Variants in DMD observed in about 807,000 individuals in gnomAD.
DMD encodes the protein mutant dystrophin.
Under a neutral mutation model 330.1 loss-of-function variants are expected in DMD, and 63 were observed. The ratio of observed to expected loss-of-function variants is 0.19; its 90% CI spans 0.16 to 0.24. The LOEUF is 0.24. Among genes scored for constraint, DMD ranks in the 10% least tolerant of loss-of-function variants. The pLI is 1.00. For missense variants in DMD, 3,344 were observed against 2,684.1 expected (o/e 1.25, Z -5.43); for synonymous variants, 1,223 against 959.8 (o/e 1.27, Z -5.07).
chrX:32,657,324 A>C (rs1382043787), intron 9 of DMD, among the ~76,000 whole-genome samples: 1 of 112,039 alleles, frequency 8.9e-6, no homozygotes, highest in Non-Finnish European at 1.9e-5. Context: ...AACCCAATAT[A>C]AAAGATTTCT....
intron 1 of DMD, among the ~76,000 whole-genome samples, chrX:33,089,219 C>A (rs1421717356): frequency 9.1e-6 from 1 of 109,426 alleles, no homozygotes; most frequent in Non-Finnish European, 1.9e-5. Flanking sequence ...GCACGCACCA[C>A]CACACCCAGC....
At chrX:32,998,475 A>T (rs2093187755) in intron 2 of DMD, among the ~76,000 whole-genome samples, 1 of 109,485 alleles carries the variant, frequency 9.1e-6, no homozygotes, top group Admixed American at 9.9e-5. Flanking sequence ...CAAATTGTTT[A>T]CCTGATGAAC....
At chrX:32,263,221 T>G (rs1418802439) in intron 43 of DMD, among the ~76,000 whole-genome samples, 1 of 112,278 alleles carries the variant, frequency 8.9e-6, no homozygotes, top group Non-Finnish European at 1.9e-5. Context: ...TTCTTCAACT[T>G]ACTGCTAGAT....
chrX:33,098,041 T>C (rs1038729601), intron 1 of DMD, among the ~76,000 whole-genome samples: 1 of 111,955 alleles, frequency 8.9e-6, no homozygotes, highest in Non-Finnish European at 1.9e-5. Flanking sequence ...TATAACTTTT[T>C]ATTGTCACTA....
chrX:31,639,050 C>A (rs913769648), intron 54 of DMD, among the ~76,000 whole-genome samples: 6 of 111,832 alleles, frequency 5.4e-5, no homozygotes, highest in Admixed American at 3.8e-4. Flanking sequence ...ATGGTAATTT[C>A]ATTTAGTCTT....
chrX:32,309,500 CCTTA>C (rs927998310), intron 42 of DMD, among the ~76,000 whole-genome samples: 4 of 110,966 alleles, frequency 3.6e-5, no homozygotes, highest in Non-Finnish European at 5.7e-5. Context: ...TCATTATTTG[CCTTA>C]CTTGAGAATT....
At chrX:31,563,459 T>C (rs987253303) in intron 55 of DMD, among the ~76,000 whole-genome samples, 1 of 112,383 alleles carries the variant, frequency 8.9e-6, no homozygotes, top group African/African-American at 3.2e-5. Flanking sequence ...TTACAGTAGC[T>C]TTACAGCAAG....
intron 44 of DMD, among the ~76,000 whole-genome samples, chrX:31,973,204 A>G (rs1383669313): frequency 1.8e-5 from 2 of 110,171 alleles, no homozygotes; most frequent in Non-Finnish European, 3.8e-5. Context: ...ACCTTGTGGG[A>G]GCACCTGAGG....
intron 60 of DMD, among the ~76,000 whole-genome samples, chrX:31,398,251 G>C (rs1328280660): frequency 8.9e-6 from 1 of 112,024 alleles, no homozygotes; most frequent in Non-Finnish European, 1.9e-5. Flanking sequence ...TTTAAATCTA[G>C]AGCCTCTGAA....
chrX:31,137,501 TTTTTAAAATGCC>T (rs1028171704), intron 76 of DMD, among the ~76,000 whole-genome samples: 3 of 111,683 alleles, frequency 2.7e-5, no homozygotes, highest in Admixed American at 9.5e-5. Flanking sequence ...CTAACCCAGA[TTTTTAAAATGCC>T]TTTTAAAAAC....
At chrX:32,519,972 T>A (rs769955329) in intron 17 of DMD, among the ~76,000 whole-genome samples, 26 of 111,912 alleles carry the variant, frequency 2.3e-4, no homozygotes, top group Non-Finnish European at 4.1e-4. Flanking sequence ...TTAATTGACC[T>A]CAATACCATG....
intron 1 of DMD, among the ~76,000 whole-genome samples, chrX:33,304,465 A>G (rs1435009216): frequency 3.5e-4 from 39 of 110,842 alleles, no homozygotes; most frequent in Non-Finnish European, 5.1e-4. Flanking sequence ...TAAAAACCCT[A>G]GAAGAAAACC....
chrX:32,017,909 A>G (rs2095776949), intron 44 of DMD, among the ~76,000 whole-genome samples: 1 of 111,829 alleles, frequency 8.9e-6, no homozygotes, highest in Non-Finnish European at 1.9e-5. Flanking sequence ...TTCTGCTAGC[A>G]TAATGCCATG....
intron 60 of DMD, among the ~76,000 whole-genome samples, chrX:31,427,149 T>G (rs1683538088): frequency 8.9e-6 from 1 of 111,929 alleles, no homozygotes; most frequent in Non-Finnish European, 1.9e-5. Context: ...TATTACTTAT[T>G]TCACCTCTGC....
chrX:32,660,814 A>G (rs1035899021), intron 9 of DMD, among the ~76,000 whole-genome samples: 3 of 111,847 alleles, frequency 2.7e-5, no homozygotes, highest in African/African-American at 9.7e-5. Context: ...CTACTTTGCC[A>G]TGAGATGTCC....
rs774285230 is a variant in DMD, at chrX:31,622,298, GACAC to G, written c.8217+5371_8217+5374del. Among the ~76,000 whole-genome samples the G allele has an allele frequency of 2.7e-3, 291 of 106,689 alleles. 1 individual carries two copies. The highest frequency in any genetic ancestry group is 9.5e-3 in the African/African-American group (279 of 29,450). 92.6% of individuals were successfully genotyped at this position (106,689 alleles called of 115,157 possible). A position where few individuals can be genotyped will look rare whatever the true frequency, so the allele number is the denominator to read the frequency against. On this transcript the variant is annotated intron_variant, in intron 55 of 78. Coordinates refer to ENST00000357033, the MANE Select transcript of DMD (RefSeq NM_004006.3). ...GTGATCCAGTATTTCCACACCGACA[GACAC>G]ACACACACACACACACAAATACACA...
At chrX:31,203,874 T>G in intron 67 of DMD, 87 bp downstream of exon 67, 1 of 847,297 alleles carries the variant, frequency 1.2e-6, no homozygotes, top group South Asian at 2.2e-5. Flanking sequence ...GAAGAGCTAA[T>G]ATGAGAAAAC....
At chrX:31,411,528 G>A (rs1448787295) in intron 60 of DMD, among the ~76,000 whole-genome samples, 4 of 112,087 alleles carry the variant, frequency 3.6e-5, no homozygotes, top group Non-Finnish European at 5.6e-5. Flanking sequence ...ACTTTTGTAT[G>A]TCATTTTGGA....
At chrX:32,308,773 G>A (rs754143436) in intron 42 of DMD, among the ~76,000 whole-genome samples, 68 of 110,524 alleles carry the variant, frequency 6.2e-4, no homozygotes, top group Non-Finnish European at 1.0e-3. Context: ...TATTCAATGG[G>A]CAACTTAATA....
Sources: gnomAD v4.1 joint callset for allele counts (sites outside exome capture counted in the v4.1 genomes callset) on GRCh38, gnomAD v4.1.1 for gene constraint, MANE v1.5 for transcripts, NCBI Gene and HGNC (gene_info 2026-07-23, HGNC 2026-07-21) for gene names.